The following CYP4F22 variants were observed in gnomAD, a reference collection of about 807,000 sequenced individuals.
CYP4F22 encodes cytochrome P450 family 4 subfamily F member 22, also known as ultra-long-chain fatty acid omega-hydroxylase.
In CYP4F22, 37 loss-of-function variants were observed where a neutral mutation model predicts 60.4. The ratio of observed to expected loss-of-function variants is 0.61; its 90% CI spans 0.47 to 0.81. CYP4F22 has a LOEUF of 0.81. Ranked by LOEUF, CYP4F22 falls within the 30% of genes least tolerant of loss-of-function variation. CYP4F22 has a pLI of 0.00. For missense variants in CYP4F22, 655 were observed against 715.0 expected, an observed-to-expected ratio of 0.92 and a Z score of 0.96; for synonymous variants, 258 against 280.5, an observed-to-expected ratio of 0.92 and a Z score of 0.80.
Position 15,525,530 on chromosome 19 carries a change from G to A in CYP4F22, c.194G>A (p.Arg65His), listed in dbSNP as rs140968002. 27 of 1,610,454 alleles carry A rather than the reference G, an allele frequency of 1.7e-5. No individual in the cohort carries two copies. The highest frequency in any genetic ancestry group is 6.7e-5 in the East Asian group (3 of 44,888). Residue 65 changes from arginine (R) to histidine (H), a missense_variant, in exon 3 of 14, where the codon CGC (arginine) becomes CAC (histidine). By Grantham distance (29) the Arg-to-His change is conservative. This residue lies in a region of CYP4F22 where 430 missense variants were observed against 457.1 expected (regional missense o/e 0.94). Coordinates refer to ENST00000269703, the MANE Select transcript of CYP4F22 (RefSeq NM_173483.4). ...CGCTGCTTCCCCCAGCCTCCCCGGCGCAACTGGCTGCTGGGCCACCTGGGC... is the reference window on the plus strand; with the variant it reads ...CGCTGCTTCCCCCAGCCTCCCCGGCACAACTGGCTGCTGGGCCACCTGGGC... Reference protein sequence around the residue: ...RLRCFPQPPRRNWLLGHLGMY... With the variant: ...RLRCFPQPPRHNWLLGHLGMY...
Position 15,548,206 on chromosome 19 carries a change from A to G in CYP4F22, c.1235A>G (p.Asp412Gly), listed in dbSNP as rs774525657. 6.2e-7 allele frequency: 1 copy of G among 1,614,116 alleles called. No individual in the cohort carries two copies. The highest frequency in any genetic ancestry group is 1.1e-5 in the South Asian group (1 of 91,084). Residue 412 changes from aspartate (D) to glycine (G), a missense_variant, in exon 11 of 14, where the codon GAC (aspartate) becomes GGC (glycine). Physicochemically the swap from Asp to Gly is moderately conservative, Grantham distance 94. Around this residue, in one of 3 missense-constraint regions of CYP4F22, gnomAD observed 74 missense variants for 118.4 expected, o/e 0.62. Coordinates refer to ENST00000269703, the MANE Select transcript of CYP4F22 (RefSeq NM_173483.4). Reference sequence around the variant, plus strand: ...CTTGTCTCTCGCCAATGCACGGAGGACATCAAGCTCCCAGATGGGCGCATC... The same window carrying G: ...CTTGTCTCTCGCCAATGCACGGAGGGCATCAAGCTCCCAGATGGGCGCATC... Reference protein sequence around the residue: ...VTLVSRQCTEDIKLPDGRIIP... With the variant: ...VTLVSRQCTEGIKLPDGRIIP...
chr19:15,538,352 G>C (rs1319505832), intron 7 of CYP4F22, among the ~76,000 whole-genome samples: 1 of 152,102 alleles, frequency 6.6e-6, no homozygotes, highest in Non-Finnish European at 1.5e-5. Flanking sequence ...CAGTTTCCTT[G>C]TTTGTAAAAA....
chr19:15,543,997 C>A lies in CYP4F22; in HGVS notation c.966C>A (p.Asp322Glu), dbSNP rs368699374. 2.5e-6 allele frequency: 4 copies of A among 1,614,006 alleles called. No homozygotes were observed. The highest frequency in any genetic ancestry group is 3.4e-6 in the Non-Finnish European group (4 of 1,180,022). ...ATGAAGATGGAAAGGAACTGTCAGA[C>A]GAGGATATCCGAGCCGAAGCAGACA... ...ARDEDGKELS[D>E]EDIRAEADTF... Residue 322 changes from aspartate (D) to glutamate (E), a missense_variant, in exon 9 of 14, where the codon GAC becomes GAA. Physicochemically the swap from Asp to Glu is conservative, Grantham distance 45. This residue lies in a region of CYP4F22 where 430 missense variants were observed against 457.1 expected (regional missense o/e 0.94). Coordinates refer to ENST00000269703, the MANE Select transcript of CYP4F22 (RefSeq NM_173483.4).
At position 15,525,513 on chromosome 19, in the gene CYP4F22, C is replaced by G. The variant is rs118091316; in HGVS notation, c.177C>G (p.Phe59Leu). The G allele has an allele frequency of 4.3e-6, 7 of 1,612,186 alleles. No homozygotes were observed. The Middle Eastern group carries it at 1.2e-3, about 267-fold the overall frequency. ...TCACCTGCCGCCGGCTGCGCTGCTT[C>G]CCCCAGCCTCCCCGGCGCAACTGGC... ...FYITCRRLRC[F>L]PQPPRRNWLL... is the part of the protein sequence containing the mutation. Residue 59 changes from phenylalanine to leucine, a missense_variant, in exon 3 of 14, where the codon TTC becomes TTG. By Grantham distance (22) the Phe-to-Leu change is conservative. Coordinates refer to ENST00000269703, the MANE Select transcript of CYP4F22 (RefSeq NM_173483.4).
At chr19:15,512,314 T>A (rs6512041) in intron 1 of CYP4F22, among the ~76,000 whole-genome samples, 2 of 152,018 alleles carry the variant, frequency 1.3e-5, no homozygotes, top group Non-Finnish European at 2.9e-5. Context: ...AAGTCAAAAG[T>A]GAACATTAAA....
chr19:15,520,288 G>C (rs937699444), intron 1 of CYP4F22, among the ~76,000 whole-genome samples: 4 of 149,248 alleles, frequency 2.7e-5, no homozygotes, highest in African/African-American at 9.9e-5. Context: ...GGAGCTTGCA[G>C]TGAGCTGAGA....
intron 11 of CYP4F22, among the ~76,000 whole-genome samples, 177 bp from the exon 12 acceptor site, chr19:15,548,961 T>C (rs1478874343): frequency 1.3e-5 from 2 of 152,078 alleles, no homozygotes; most frequent in African/African-American, 4.8e-5. Context: ...TAGGTTCCTC[T>C]TAGGGAAAGG....
At chr19:15,530,558 A>G (rs1247912364) in intron 4 of CYP4F22, among the ~76,000 whole-genome samples, 1 of 152,124 alleles carries the variant, frequency 6.6e-6, no homozygotes, top group Non-Finnish European at 1.5e-5. Flanking sequence ...GCTATGAAGG[A>G]CTACCCTAGA....
chr19:15,545,605 C>T (rs1191472578), intron 10 of CYP4F22, among the ~76,000 whole-genome samples: 8 of 137,912 alleles, frequency 5.8e-5, no homozygotes, highest in South Asian at 4.7e-4. Flanking sequence ...GTCAAGATTA[C>T]GCCACTGCAC....
Position 15,548,223 on chromosome 19 carries a change from G to A in CYP4F22, c.1252G>A (p.Gly418Arg). ...CACGGAGGACATCAAGCTCCCAGAT[G>A]GGCGCATCATCCCCAAAGGTGCCTA... ...QCTEDIKLPD[G>R]RIIPKGIICL... Residue 418 changes from glycine (G) to arginine (R), a missense_variant, in exon 11 of 14, where the codon GGG (glycine) becomes AGG (arginine). Physicochemically the swap from Gly to Arg is moderately radical, Grantham distance 125. Coordinates refer to ENST00000269703, the MANE Select transcript of CYP4F22 (RefSeq NM_173483.4). 1 of 1,614,092 alleles carries A rather than the reference G, an allele frequency of 6.2e-7. No homozygotes were observed. Among genetic ancestry groups the A allele is most frequent in the African/African-American group, 1.3e-5 (1 of 75,050 alleles).
chr19:15,511,768 T>C (rs1971094922), intron 1 of CYP4F22, among the ~76,000 whole-genome samples: 2 of 152,158 alleles, frequency 1.3e-5, no homozygotes, highest in Admixed American at 6.5e-5. Context: ...ATCTCGTACC[T>C]GGCGTCGGCC....
intron 10 of CYP4F22, among the ~76,000 whole-genome samples, chr19:15,547,345 G>C (rs1187103913): frequency 6.6e-6 from 1 of 152,020 alleles, no homozygotes; most frequent in African/African-American, 2.4e-5. Flanking sequence ...TTTAAGTACA[G>C]AAATGGACCA....
chr19:15,551,708 T>G lies in CYP4F22; in HGVS notation c.*237T>G. 1.7e-6 allele frequency: 1 copy of G among 599,326 alleles called. No homozygotes were observed. Among genetic ancestry groups the G allele is most frequent in the Non-Finnish European group, 2.9e-6 (1 of 339,246 alleles). The allele number at this position is 599,326 out of a possible 1,614,324, so 37.1% of individuals were successfully genotyped here. A position where few individuals can be genotyped will look rare whatever the true frequency, so the allele number is the denominator to read the frequency against. On this transcript the variant is annotated 3_prime_UTR_variant, in exon 14 of 14. Transcript: ENST00000269703. ...GAGGCTTAGGTCCCGCCCCCTGACT[T>G]CTCGCACCTGTCCTGTTTGAGGGAC...
chr19:15,509,854 C>CTCCTTCCTTCCT (rs201064190), intron 1 of CYP4F22, among the ~76,000 whole-genome samples: 2,395 of 109,992 alleles, frequency 0.022, 64 homozygotes, highest in African/African-American at 0.039. Flanking sequence ...GGACCCATCT[C>CTCCTTCCTTCCT]TCCTTCCTTC....
At chr19:15,546,292 A>G (rs1417674967) in intron 10 of CYP4F22, among the ~76,000 whole-genome samples, 1 of 152,116 alleles carries the variant, frequency 6.6e-6, no homozygotes, top group Non-Finnish European at 1.5e-5. Flanking sequence ...TTTCTTTGAA[A>G]GAGAACCTGG....
intron 4 of CYP4F22, among the ~76,000 whole-genome samples, chr19:15,535,618 C>A (rs1219078728): frequency 6.6e-6 from 1 of 151,978 alleles, no homozygotes; most frequent in East Asian, 1.9e-4. Flanking sequence ...CTCATTCATC[C>A]ATCCATCCAC....
chr19:15,547,978 A>G, intron 10 of CYP4F22, 130 bp from the exon 11 acceptor site: 1 of 825,262 alleles, frequency 1.2e-6, no homozygotes, highest in Non-Finnish European at 1.8e-6. Flanking sequence ...TGAGAGAGAG[A>G]GAGAGAGAGA....
rs750175536 is a variant in CYP4F22 at position 15,540,546 on chromosome 19, C to T, written c.768C>T (p.Tyr256=). 2 of 1,614,106 alleles carry T rather than the reference C, an allele frequency of 1.2e-6. No individual in the cohort carries two copies. Among genetic ancestry groups the T allele is most frequent in the South Asian group, 1.1e-5 (1 of 91,092 alleles). Residue 256 remains tyrosine (Y), a synonymous_variant, in exon 8 of 14, where the codon TAC becomes TAT. Coordinates refer to ENST00000269703, the MANE Select transcript of CYP4F22 (RefSeq NM_173483.4). ...ACCACTACCTCGACTTCATTTACTA[C>T]CGCTCGGCGGATGGGCGGAGGTTCC... The part of the protein sequence containing the change: ...RLHHYLDFIY[Y]RSADGRRFRQ...
At chr19:15,520,405 T>C (rs1971209619) in intron 1 of CYP4F22, among the ~76,000 whole-genome samples, 1 of 150,716 alleles carries the variant, frequency 6.6e-6, no homozygotes, top group African/African-American at 2.4e-5. Flanking sequence ...TTTTGCTGTT[T>C]TTTTTTTTGA....
Sources: allele counts gnomAD v4.1 joint callset (sites outside exome capture counted in the v4.1 genomes callset), GRCh38; gene constraint gnomAD v4.1.1; regional missense constraint gnomAD v4.1.1; transcripts MANE v1.5; gene names NCBI Gene and HGNC (gene_info 2026-07-23, HGNC 2026-07-21).